TRABD2A: variants seen among roughly 807,000 people sequenced by gnomAD.
TRABD2A encodes metalloprotease TIKI1.
A neutral mutation model predicts 45.6 loss-of-function variants in TRABD2A; 43 were observed. The ratio of observed to expected loss-of-function variants is 0.94; its 90% CI spans 0.74 to 1.22. The LOEUF (loss-of-function observed/expected upper bound fraction) is 1.22. Ranked by LOEUF, TRABD2A falls within the 50% of genes most tolerant of loss-of-function variation. TRABD2A has a pLI of 0.00. For missense variants in TRABD2A, 642 were observed against 652.4 expected, an observed-to-expected ratio of 0.98 and a Z score of 0.17; for synonymous variants, 269 against 265.0, an observed-to-expected ratio of 1.02 and a Z score of -0.15.
At chr2:84,859,554 G>C (rs1278070756) in intron 2 of TRABD2A, among the ~76,000 whole-genome samples, 1 of 152,232 alleles carries the variant, frequency 6.6e-6, no homozygotes, top group Non-Finnish European at 1.5e-5. Context: ...TTGGTGGTAT[G>C]GACAGCAGAC....
At chr2:84,839,035 C>T in intron 4 of TRABD2A, 114 bp downstream of exon 4, 1 of 1,222,290 alleles carries the variant, frequency 8.2e-7, no homozygotes, top group Non-Finnish European at 1.1e-6. Context: ...GGTGTCACTC[C>T]CTTCATCTCG....
chr2:84,849,253 G>C (rs191141624), intron 2 of TRABD2A, among the ~76,000 whole-genome samples: 2 of 152,080 alleles, frequency 1.3e-5, no homozygotes, highest in African/African-American at 4.8e-5. Flanking sequence ...AGACAATCCT[G>C]TAAGGATTCA....
At chr2:84,854,089 AAAT>A (rs751035050) in intron 2 of TRABD2A, among the ~76,000 whole-genome samples, 7 of 150,268 alleles carry the variant, frequency 4.7e-5, no homozygotes, top group Non-Finnish European at 7.4e-5. Flanking sequence ...GAAAAAATAA[AAAT>A]AATACAATTT....
chr2:84,835,112 CACA>C (rs1267965652), intron 4 of TRABD2A: 16 of 152,004 alleles, frequency 1.1e-4, no homozygotes, highest in African/African-American at 3.6e-4. Context: ...ACTTTAGCAC[CACA>C]ACAATAGGAC....
At position 84,839,308 on chromosome 2, in the gene TRABD2A, T is replaced by C. The variant is rs1220614295; in HGVS notation, c.832A>G (p.Asn278Asp). The C allele has an allele frequency of 6.2e-7, 1 of 1,607,334 alleles. No individual in the cohort carries two copies. The highest frequency in any genetic ancestry group is 8.5e-7 in the Non-Finnish European group (1 of 1,177,412). Residue 278 changes from asparagine (N) to aspartate (D), a missense_variant, in exon 4 of 7, where the codon AAT (asparagine) becomes GAT (aspartate). Transcript: ENST00000409520. ...CGCTCCTGAGGTGGTAGCGTGGCAT[T>C]AATAAAATTGGGAACCTCCACCAAA... Reference protein sequence around the residue: ...HDSSQVPNFINATLPPQERIT... With the variant: ...HDSSQVPNFIDATLPPQERIT...
At chr2:84,871,543 G>A (rs943309638) in intron 1 of TRABD2A, among the ~76,000 whole-genome samples, 6 of 151,622 alleles carry the variant, frequency 4.0e-5, no homozygotes, top group African/African-American at 4.9e-5. Flanking sequence ...GTGCAATGGC[G>A]CAATCCTGGC....
At chr2:84,871,628 T>A (rs1559099078) in intron 1 of TRABD2A, among the ~76,000 whole-genome samples, 1 of 152,084 alleles carries the variant, frequency 6.6e-6, no homozygotes, top group African/African-American at 2.4e-5. Context: ...CTGGGACTAC[T>A]GGCACTCGCC....
At chr2:84,841,453 A>G (rs1483857589) in intron 3 of TRABD2A, among the ~76,000 whole-genome samples, 1 of 152,224 alleles carries the variant, frequency 6.6e-6, no homozygotes, top group Admixed American at 6.5e-5. Context: ...GTGAATACAC[A>G]GCTATATCAT....
rs139613540 is a variant in TRABD2A, at chr2:84,878,426, G to C, written c.108+2506C>G. On this transcript the variant is annotated intron_variant, in intron 1 of 6. Coordinates refer to ENST00000409520, the MANE Select transcript of TRABD2A (RefSeq NM_001277053.2). ...TGTAATCCCAGCTGCTCAGGAGGCT[G>C]AGGCAGGAGAATCACTTGAACCCTG... is the stretch of plus-strand genomic sequence containing the variant. 1.3e-4 allele frequency among the ~76,000 whole-genome samples: 20 copies of C among 152,006 alleles called. No individual in the cohort carries two copies. In the East Asian group the frequency reaches 3.9e-3, roughly 29 times the overall value.
At chr2:84,847,174 C>G (rs1374114875) in intron 2 of TRABD2A, among the ~76,000 whole-genome samples, 1 of 152,200 alleles carries the variant, frequency 6.6e-6, no homozygotes, top group Non-Finnish European at 1.5e-5. Context: ...CCATGGGCAC[C>G]ACAGGAGCAA....
At chr2:84,825,839 G>A (rs1039265201) in intron 5 of TRABD2A, among the ~76,000 whole-genome samples, 9 of 152,086 alleles carry the variant, frequency 5.9e-5, no homozygotes, top group African/African-American at 1.9e-4. Context: ...TCATAGGATC[G>A]CAAACCCTGT....
chr2:84,862,617 T>C (rs1682536435), intron 2 of TRABD2A, among the ~76,000 whole-genome samples: 1 of 151,490 alleles, frequency 6.6e-6, no homozygotes, highest in African/African-American at 2.4e-5. Context: ...CTATTCTTGG[T>C]TTTTTTTAAG....
intron 1 of TRABD2A, among the ~76,000 whole-genome samples, chr2:84,878,252 C>T (rs1196314496): frequency 6.6e-6 from 1 of 152,172 alleles, no homozygotes; most frequent in African/African-American, 2.4e-5. Context: ...TCAGGCTGGA[C>T]ACGGTGGCTC....
chr2:84,864,300 G>A (rs1315381849), intron 2 of TRABD2A, among the ~76,000 whole-genome samples: 1 of 152,196 alleles, frequency 6.6e-6, no homozygotes. Context: ...TTGCCATGTA[G>A]GAGCAGGTGC....
chr2:84,831,994 G>A, intron 5 of TRABD2A, 61 bp downstream of exon 5: 2 of 1,575,336 alleles, frequency 1.3e-6, no homozygotes, highest in Non-Finnish European at 1.7e-6. Flanking sequence ...CCACCCTGGT[G>A]CCCAGGCAGC....
intron 1 of TRABD2A, among the ~76,000 whole-genome samples, chr2:84,875,278 C>T (rs1682990854): frequency 6.6e-6 from 1 of 152,164 alleles, no homozygotes; most frequent in Non-Finnish European, 1.5e-5. Flanking sequence ...AGACGAGGGG[C>T]CCACTATGGG....
intron 3 of TRABD2A, 101 bp downstream of exon 3, chr2:84,841,760 G>GC: frequency 7.9e-7 from 1 of 1,262,736 alleles, no homozygotes; most frequent in Non-Finnish European, 1.0e-6. Context: ...GAGCCCTCAT[G>GC]ACCTCAATCC....
At chr2:84,850,615 C>G (rs895304840) in intron 2 of TRABD2A, 2 of 152,036 alleles carry the variant, frequency 1.3e-5, no homozygotes, top group African/African-American at 2.4e-5. Context: ...CTATAGTTTG[C>G]CCCTCCCCTC....
intron 6 of TRABD2A, 75 bp downstream of exon 6, chr2:84,823,878 A>G (rs1681065405): frequency 6.4e-7 from 1 of 1,562,530 alleles, no homozygotes; most frequent in East Asian, 2.3e-5. Flanking sequence ...CATTGCAACC[A>G]GTGTGAGGGG....
Sources: gnomAD v4.1 joint callset for allele counts (sites outside exome capture counted in the v4.1 genomes callset) on GRCh38, gnomAD v4.1.1 for gene constraint, MANE v1.5 for transcripts, NCBI Gene and HGNC (gene_info 2026-07-23, HGNC 2026-07-21) for gene names.